ZNF625: variants seen among roughly 807,000 people sequenced by gnomAD.
ZNF625 encodes zinc finger protein 625.
A neutral mutation model predicts 11.1 loss-of-function variants in ZNF625; 8 were observed. The observed-to-expected ratio is 0.72, with a 90% CI of 0.42 to 1.30. ZNF625 has a LOEUF of 1.30. ZNF625 is among the 50% of genes most tolerant of loss of function. ZNF625 has a pLI of 0.01. For synonymous variants in ZNF625, 145 were observed against 153.4 expected (o/e 0.95, Z 0.41); for missense variants, 349 against 447.6 (o/e 0.78, Z 1.99).
chr19:12,147,010 A>G (rs1358199998), intron 3 of ZNF625, among the ~76,000 whole-genome samples: 1 of 139,928 alleles, frequency 7.1e-6, no homozygotes, highest in African/African-American at 2.8e-5. Flanking sequence ...TCAGTCGCCC[A>G]GGATGGAGTG....
rs1977033675 is a variant in ZNF625, at chr19:12,156,704, G to A, written c.-146C>T. The A allele has an allele frequency of 2.8e-6, 2 of 726,728 alleles. No homozygotes were observed. The highest frequency in any genetic ancestry group is 3.8e-6 in the Non-Finnish European group (2 of 523,364). The allele number at this position is 726,728 out of a possible 1,614,324, so 45.0% of individuals were successfully genotyped here. ...AAACCGAGATCCCGACCTCCCTTTG[G>A]TGCAAGACGCCTGGGAGTCAGGAAA... On this transcript the variant is annotated 5_prime_UTR_variant, in exon 1 of 4. Coordinates refer to ENST00000439556, the MANE Select transcript of ZNF625 (RefSeq NM_145233.4).
In ZNF625 at chr19:12,151,506, G is replaced by A. The variant is rs1173211096; in HGVS notation, c.4-3704C>T. 3.3e-5 allele frequency among the ~76,000 whole-genome samples: 5 copies of A among 150,230 alleles called. No individual in the cohort carries two copies. The South Asian group carries it at 1.1e-3, about 32-fold the overall frequency. On this transcript the variant is annotated intron_variant, in intron 1 of 3. Coordinates refer to ENST00000439556, the MANE Select transcript of ZNF625 (RefSeq NM_145233.4). ...CGCCTTTCTCCTGCCTCAGCCTCCCGAGTAGCTGGGACTACAGGCCCCGCC... is the reference window on the plus strand; with the variant it reads ...CGCCTTTCTCCTGCCTCAGCCTCCCAAGTAGCTGGGACTACAGGCCCCGCC...
At chr19:12,146,389 A>C (rs1976873571) in intron 3 of ZNF625, among the ~76,000 whole-genome samples, 165 bp from the exon 4 acceptor site, 1 of 146,816 alleles carries the variant, frequency 6.8e-6, no homozygotes, top group African/African-American at 2.6e-5. Context: ...TGGCCCAGCT[A>C]TACCTGTTAT....
At chr19:12,146,264 T>C (rs1321540125) in intron 3 of ZNF625, 40 bp from the exon 4 acceptor site, 3 of 1,555,452 alleles carry the variant, frequency 1.9e-6, no homozygotes, top group Non-Finnish European at 2.6e-6. Context: ...GGTTCCTTTA[T>C]CACTGATTTG....
At position 12,147,153 on chromosome 19, in the gene ZNF625, G is replaced by T. The variant is rs1005523455; in HGVS notation, c.191+242C>A. Among the ~76,000 whole-genome samples the T allele has an allele frequency of 3.9e-5, 6 of 152,014 alleles. No individual in the cohort carries two copies. In the South Asian group the frequency reaches 1.2e-3, roughly 32 times the overall value. ...GGCTAATTTTTTTGGATTTTTAGTA[G>T]AGACAGGGTTTCACCATGTTAGCCA... On this transcript the variant is annotated intron_variant, in intron 3 of 3. Coordinates refer to ENST00000439556, the MANE Select transcript of ZNF625 (RefSeq NM_145233.4).
At chr19:12,150,030 C>T (rs373021644) in intron 1 of ZNF625, among the ~76,000 whole-genome samples, 99 of 152,170 alleles carry the variant, frequency 6.5e-4, no homozygotes, top group Non-Finnish European at 1.3e-3. Flanking sequence ...TGAGCCACCA[C>T]GCCCGGCCCG....
intron 1 of ZNF625, among the ~76,000 whole-genome samples, chr19:12,153,805 C>CTTTTTTT (rs912782968): frequency 2.6e-5 from 3 of 113,606 alleles, no homozygotes; most frequent in African/African-American, 3.8e-5. Flanking sequence ...TTTTATATTT[C>CTTTTTTT]TTTTTTTTTT....
At chr19:12,153,722 A>G (rs529705462) in intron 1 of ZNF625, among the ~76,000 whole-genome samples, 1 of 151,424 alleles carries the variant, frequency 6.6e-6, no homozygotes, top group East Asian at 1.9e-4. Context: ...TCTGGCAGGC[A>G]TATAGACTGT....
Position 12,156,699 on chromosome 19 carries a change from C to T in ZNF625, c.-141G>A. 1 of 804,166 alleles carries T rather than the reference C, an allele frequency of 1.2e-6. No individual in the cohort carries two copies. The highest frequency in any genetic ancestry group is 1.7e-6 in the Non-Finnish European group (1 of 593,848). The allele number at this position is 804,166 out of a possible 1,614,324, so 49.8% of individuals were successfully genotyped here. On this transcript the variant is annotated 5_prime_UTR_variant, in exon 1 of 4. Transcript: ENST00000439556. Reference sequence around the variant, plus strand: ...CCGGAAAACCGAGATCCCGACCTCCCTTTGGTGCAAGACGCCTGGGAGTCA... The same window carrying T: ...CCGGAAAACCGAGATCCCGACCTCCTTTTGGTGCAAGACGCCTGGGAGTCA...
intron 1 of ZNF625, among the ~76,000 whole-genome samples, chr19:12,150,744 T>G (rs1976943196): frequency 6.6e-6 from 1 of 152,152 alleles, no homozygotes; most frequent in East Asian, 1.9e-4. Context: ...GGGGATAATA[T>G]GCTCTCTCCC....
At chr19:12,156,349 C>T (rs1977026271) in intron 1 of ZNF625, among the ~76,000 whole-genome samples, 1 of 152,162 alleles carries the variant, frequency 6.6e-6, no homozygotes. Context: ...AGTCGCAGCG[C>T]AGAGACGGGA....
chr19:12,156,495 G>A (rs1858229775), intron 1 of ZNF625, 61 bp downstream of exon 1: 1 of 1,369,464 alleles, frequency 7.3e-7, no homozygotes, highest in Non-Finnish European at 9.5e-7. Flanking sequence ...GCTAGAGCCG[G>A]TTCGAGCCGG....
At chr19:12,152,702 C>G (rs1464380724) in intron 1 of ZNF625, among the ~76,000 whole-genome samples, 1 of 151,756 alleles carries the variant, frequency 6.6e-6, no homozygotes, top group African/African-American at 2.4e-5. Context: ...ATTAGCTGGG[C>G]GTGGTAGCAT....
At position 12,147,794 on chromosome 19, in the gene ZNF625, C is replaced by T. The variant is rs989049937; in HGVS notation, c.12G>A (p.Val4=). 4 of 1,613,822 alleles carry T rather than the reference C, an allele frequency of 2.5e-6. No individual in the cohort carries two copies. The African/African-American group carries it at 4.0e-5, about 16-fold the overall frequency. Residue 4 remains valine (V), a synonymous_variant, in exon 2 of 4, where the codon GTG becomes GTA. Coordinates refer to ENST00000439556, the MANE Select transcript of ZNF625 (RefSeq NM_145233.4). MDS[V]VFEDVDVNFT... is the part of the protein sequence containing the mutation. ...AGTTCACATCTACATCCTCAAAGACCACTGAATCCTGAAACATCCCACATG... is the reference window on the plus strand; with the variant it reads ...AGTTCACATCTACATCCTCAAAGACTACTGAATCCTGAAACATCCCACATG...
In ZNF625 at chr19:12,145,225, G is replaced by A; in HGVS notation, c.*72C>T. ...AGAAGCTTCAGAATAATTTTGCGATGGTTCCCATGATTTGAGGGAAACACA... is the reference window on the plus strand; with the variant it reads ...AGAAGCTTCAGAATAATTTTGCGATAGTTCCCATGATTTGAGGGAAACACA... On this transcript the variant is annotated 3_prime_UTR_variant, in exon 4 of 4. Coordinates refer to ENST00000439556, the MANE Select transcript of ZNF625 (RefSeq NM_145233.4). The A allele has an allele frequency of 1.4e-6, 2 of 1,460,160 alleles. No homozygotes were observed. Among genetic ancestry groups the A allele is most frequent in the South Asian group, 1.4e-5 (1 of 72,204 alleles). 90.5% of individuals were successfully genotyped at this position (1,460,160 alleles called of 1,614,324 possible). A position where few individuals can be genotyped will look rare whatever the true frequency, so the allele number is the denominator to read the frequency against.
At chr19:12,148,011 A>G (rs1483306138) in intron 1 of ZNF625, among the ~76,000 whole-genome samples, 1 of 152,042 alleles carries the variant, frequency 6.6e-6, no homozygotes, top group Non-Finnish European at 1.5e-5. Flanking sequence ...ACAGAATCTC[A>G]TTCTGTCACC....
Position 12,145,004 on chromosome 19 carries a change from G to A in ZNF625, c.*293C>T, listed in dbSNP as rs879781161. 3.3e-6 allele frequency: 1 copy of A among 307,598 alleles called. No homozygotes were observed. The highest frequency in any genetic ancestry group is 6.0e-6 in the Non-Finnish European group (1 of 167,532). 19.1% of individuals were successfully genotyped at this position (307,598 alleles called of 1,614,324 possible). On this transcript the variant is annotated 3_prime_UTR_variant, in exon 4 of 4. Coordinates refer to ENST00000439556, the MANE Select transcript of ZNF625 (RefSeq NM_145233.4). ...GCTGGGATTATAGGCATGAGCCACTGCACCCGGCCAAACCTCGTATTTTTT... is the reference window on the plus strand; with the variant it reads ...GCTGGGATTATAGGCATGAGCCACTACACCCGGCCAAACCTCGTATTTTTT...
At chr19:12,150,837 A>T (rs1976944290) in intron 1 of ZNF625, among the ~76,000 whole-genome samples, 1 of 151,646 alleles carries the variant, frequency 6.6e-6, no homozygotes, top group Non-Finnish European at 1.5e-5. Context: ...CCTCATGACC[A>T]CTCCTTGTTG....
chr19:12,145,428 G>A lies in ZNF625; in HGVS notation c.988C>T (p.Pro330Ser), dbSNP rs1181977597. Reference protein sequence around the residue: ...THGRTHTGEKPYECKQCGKAF... With the variant: ...THGRTHTGEKSYECKQCGKAF... The stretch of plus-strand genomic sequence containing the variant: ...TTACCACATTGTTTACATTCATAGG[G>A]TTTCTCTCCAGTGTGAGTCCTTCCA... Residue 330 changes from proline (P) to serine (S), a missense_variant, in exon 4 of 4, where the codon CCC (proline) becomes TCC (serine). By Grantham distance (74) the Pro-to-Ser change is moderately conservative. Transcript: ENST00000439556. 1 of 1,614,180 alleles carries A rather than the reference G, an allele frequency of 6.2e-7. No individual in the cohort carries two copies. The highest frequency in any genetic ancestry group is 1.7e-5 in the Admixed American group (1 of 60,012).
Sources: gnomAD v4.1 joint callset for allele counts (sites outside exome capture counted in the v4.1 genomes callset) on GRCh38, gnomAD v4.1.1 for gene constraint, MANE v1.5 for transcripts, NCBI Gene and HGNC (gene_info 2026-07-23, HGNC 2026-07-21) for gene names.